SLC47A1: variants seen among roughly 807,000 people sequenced by gnomAD.
The protein encoded by SLC47A1 is multidrug and toxin extrusion protein 1.
In SLC47A1, 58 loss-of-function variants were observed where a neutral mutation model predicts 65.8. The observed-to-expected ratio is 0.88, with a 90% confidence interval of 0.71 to 1.10. SLC47A1 has a LOEUF of 1.10. Ranked by LOEUF, SLC47A1 falls within the 50% of genes least tolerant of loss-of-function variation. SLC47A1 has a pLI of 0.00. For missense variants in SLC47A1, 706 were observed against 719.2 expected (o/e 0.98, Z 0.21); for synonymous variants, 285 against 295.0 (o/e 0.97, Z 0.35).
chr17:19,567,442 C>G (rs2084367909), intron 14 of SLC47A1, among the ~76,000 whole-genome samples: 3 of 152,174 alleles, frequency 2.0e-5, no homozygotes, highest in Non-Finnish European at 2.9e-5. Flanking sequence ...CCCTCACACC[C>G]CTGCGGGCGA....
intron 7 of SLC47A1, 101 bp downstream of exon 7, chr17:19,555,410 G>A (rs1336627090): frequency 2.2e-6 from 3 of 1,365,764 alleles, no homozygotes; most frequent in African/African-American, 2.9e-5. Context: ...TTGTGTCCAT[G>A]CGTGGTCTCT....
At chr17:19,557,789 C>T (rs546301929) in intron 10 of SLC47A1, 41 of 366,196 alleles carry the variant, frequency 1.1e-4, no homozygotes, top group African/African-American at 3.7e-4. Context: ...CTGGAGCTCA[C>T]GCTGGTTTCT....
At chr17:19,550,850 G>A (rs139577771) in intron 5 of SLC47A1, among the ~76,000 whole-genome samples, 7 of 152,134 alleles carry the variant, frequency 4.6e-5, no homozygotes, top group African/African-American at 1.2e-4. Flanking sequence ...TTCATCCCCC[G>A]GTATCCCCTG....
At chr17:19,573,992 A>G (rs890784370) in intron 16 of SLC47A1, among the ~76,000 whole-genome samples, 1 of 147,416 alleles carries the variant, frequency 6.8e-6, no homozygotes, top group Admixed American at 6.9e-5. Flanking sequence ...GTGCGATCTC[A>G]GCTCACTGCA....
intron 1 of SLC47A1, among the ~76,000 whole-genome samples, chr17:19,538,773 AG>A (rs1181854593): frequency 2.0e-5 from 3 of 152,068 alleles, no homozygotes; most frequent in East Asian, 1.9e-4. Flanking sequence ...CAATCATGGG[AG>A]GGGGTAGGAG....
intron 12 of SLC47A1, among the ~76,000 whole-genome samples, chr17:19,564,789 C>T (rs753254688): frequency 5.3e-5 from 8 of 151,970 alleles, no homozygotes; most frequent in Non-Finnish European, 1.0e-4. Flanking sequence ...GGCACGATCT[C>T]GGCTCATCGC....
chr17:19,577,818 G>A lies in SLC47A1; in HGVS notation c.*265G>A. 2 of 1,321,886 alleles carry A rather than the reference G, an allele frequency of 1.5e-6. No homozygotes were observed. Among genetic ancestry groups the A allele is most frequent in the East Asian group, 7.2e-5 (2 of 27,958 alleles). 81.9% of individuals were successfully genotyped at this position (1,321,886 alleles called of 1,614,324 possible). ...CCAAGCAAGGATCAATGTGCTGACT[G>A]CATTGGCCAATGGCTTTGATACTTC... On this transcript the variant is annotated 3_prime_UTR_variant, in exon 17 of 17. Coordinates refer to ENST00000270570, the MANE Select transcript of SLC47A1 (RefSeq NM_018242.3).
intron 16 of SLC47A1, among the ~76,000 whole-genome samples, chr17:19,573,665 G>T (rs553934822): frequency 6.6e-6 from 1 of 152,154 alleles, no homozygotes; most frequent in South Asian, 2.1e-4. Flanking sequence ...TTACAGGCGT[G>T]AGCCACCACA....
At chr17:19,571,360 C>G in intron 14 of SLC47A1, 118 bp from the exon 15 acceptor site, 1 of 822,974 alleles carries the variant, frequency 1.2e-6, no homozygotes, top group African/African-American at 1.7e-5. Context: ...TGGGCTCCAC[C>G]TCAGCCATGA....
At chr17:19,561,168 G>A (rs2084307250) in intron 12 of SLC47A1, among the ~76,000 whole-genome samples, 1 of 151,846 alleles carries the variant, frequency 6.6e-6, no homozygotes, top group Non-Finnish European at 1.5e-5. Flanking sequence ...TGAGGTGGGA[G>A]AATCACTTGA....
rs1916580843 is a variant in SLC47A1 at position 19,555,613 on chromosome 17, T to C, written c.662T>C (p.Leu221Ser). 2 of 1,614,176 alleles carry C rather than the reference T, an allele frequency of 1.2e-6. No individual in the cohort carries two copies. Among genetic ancestry groups the C allele is most frequent in the African/African-American group, 1.3e-5 (1 of 75,040 alleles). Residue 221 changes from leucine to serine, a missense_variant, in exon 8 of 17, where the codon TTG becomes TCG. Leu to Ser is a moderately radical substitution (Grantham distance 145). Coordinates refer to ENST00000270570, the MANE Select transcript of SLC47A1 (RefSeq NM_018242.3). ...LGVIGSALAN[L>S]ISQYTLALLL... Reference sequence around the variant, plus strand: ...TCCAGAGGCTCTGCACTGGCAAACTTGATTTCCCAGTACACCCTGGCTCTA... The same window carrying C: ...TCCAGAGGCTCTGCACTGGCAAACTCGATTTCCCAGTACACCCTGGCTCTA...
chr17:19,563,259 A>G (rs955946694), intron 12 of SLC47A1, among the ~76,000 whole-genome samples: 1 of 150,042 alleles, frequency 6.7e-6, no homozygotes, highest in Non-Finnish European at 1.5e-5. Flanking sequence ...CAGCCTCCCA[A>G]GTAGCTGGGA....
intron 14 of SLC47A1, among the ~76,000 whole-genome samples, chr17:19,568,666 A>G (rs1340556654): frequency 6.6e-6 from 1 of 152,198 alleles, no homozygotes; most frequent in African/African-American, 2.4e-5. Context: ...TTATGGTGAG[A>G]CATTTGAAAT....
chr17:19,541,781 C>T (rs1014164335), intron 1 of SLC47A1, among the ~76,000 whole-genome samples: 1 of 152,286 alleles, frequency 6.6e-6, no homozygotes, highest in Middle Eastern at 3.4e-3. Flanking sequence ...AGCCTCTGCA[C>T]ATTGCAGAGG....
chr17:19,552,699 G>C (rs1916485868), intron 6 of SLC47A1, among the ~76,000 whole-genome samples: 1 of 152,216 alleles, frequency 6.6e-6, no homozygotes, highest in Admixed American at 6.5e-5. Flanking sequence ...CTTGGTTACA[G>C]AGGACACGTG....
chr17:19,574,336 C>T (rs1017865595), intron 16 of SLC47A1, among the ~76,000 whole-genome samples: 4 of 152,066 alleles, frequency 2.6e-5, no homozygotes, highest in Non-Finnish European at 5.9e-5. Context: ...CCCTGGTCAG[C>T]GTCTCAGTCA....
chr17:19,557,265 T>C (rs1916642224), intron 10 of SLC47A1: 1 of 167,134 alleles, frequency 6.0e-6, no homozygotes, highest in Admixed American at 5.8e-5. Context: ...TGCAGACCTA[T>C]GTTTTTTGTT....
chr17:19,534,156 G>A, intron 1 of SLC47A1, 82 bp downstream of exon 1: 1 of 1,402,290 alleles, frequency 7.1e-7, no homozygotes, highest in Non-Finnish European at 9.3e-7. Context: ...TGACTTTGGC[G>A]GGCTTTGGGG....
chr17:19,562,729 C>T (rs140190495), intron 12 of SLC47A1, among the ~76,000 whole-genome samples: 276 of 152,154 alleles, frequency 1.8e-3, no homozygotes, highest in African/African-American at 6.5e-3. Context: ...CTGAATCTGT[C>T]CACTTGGGAA....
Sources: allele counts gnomAD v4.1 joint callset (sites outside exome capture counted in the v4.1 genomes callset), GRCh38; gene constraint gnomAD v4.1.1; transcripts MANE v1.5; gene names NCBI Gene and HGNC (gene_info 2026-07-23, HGNC 2026-07-21).